CYRIB: variants seen among roughly 807,000 people sequenced by gnomAD.
The protein encoded by CYRIB is CYFIP-related Rac1 interactor B.
Under a neutral mutation model 44.2 loss-of-function variants are expected in CYRIB, and 8 were observed. The observed-to-expected ratio is 0.18, with a 90% confidence interval of 0.11 to 0.33. The LOEUF (loss-of-function observed/expected upper bound fraction) is 0.33, where lower values mean the gene tolerates loss of function less well. Among genes scored for constraint, CYRIB ranks in the 10% least tolerant of loss-of-function variants. CYRIB has a pLI of 1.00. For missense variants in CYRIB, 185 were observed against 382.8 expected (o/e 0.48, Z 4.31); for synonymous variants, 131 against 127.2 (o/e 1.03, Z -0.20).
At chr8:129,850,193 A>G (rs538969087) in intron 9 of CYRIB, 8 of 152,744 alleles carry the variant, frequency 5.2e-5, no homozygotes, top group Admixed American at 5.2e-4. Context: ...GGACCATCAT[A>G]TATGTGGCCC....
chr8:129,944,511 G>C (rs539171932), upstream of CYRIB, among the ~76,000 whole-genome samples: 3 of 152,136 alleles, frequency 2.0e-5, no homozygotes, highest in South Asian at 6.2e-4. Context: ...TGCCGGGCGC[G>C]GTGGCTCACG....
At chr8:129,924,795 G>A (rs1047902269) in intron 1 of CYRIB, among the ~76,000 whole-genome samples, 7 of 151,914 alleles carry the variant, frequency 4.6e-5, no homozygotes, top group African/African-American at 1.5e-4. Context: ...GGGAGAACCC[G>A]TCTCTACAAA....
chr8:129,962,402 C>T (rs2095302533), intron 2 of CYRIB, among the ~76,000 whole-genome samples: 1 of 152,006 alleles, frequency 6.6e-6, no homozygotes, highest in Non-Finnish European at 1.5e-5. Context: ...AGAATCATAC[C>T]ACTGCACACC....
intron 3 of CYRIB, among the ~76,000 whole-genome samples, chr8:129,878,522 A>G (rs955318947): frequency 5.3e-5 from 8 of 152,364 alleles, no homozygotes; most frequent in Admixed American, 5.2e-4. Flanking sequence ...AAGGGATCAC[A>G]TGATTAAAAA....
At chr8:129,845,441 A>G (rs993449093) in intron 11 of CYRIB, among the ~76,000 whole-genome samples, 5 of 152,228 alleles carry the variant, frequency 3.3e-5, no homozygotes, top group Non-Finnish European at 7.3e-5. Context: ...TATGCGTTGT[A>G]AAAACCCCAA....
At chr8:129,912,971 CTT>C (rs34861646) in intron 1 of CYRIB, among the ~76,000 whole-genome samples, 47 of 124,086 alleles carry the variant, frequency 3.8e-4, no homozygotes, top group African/African-American at 1.2e-3. Context: ...ATCTGCTTCA[CTT>C]TTTTTTTTTT....
Position 129,913,198 on chromosome 8 carries a change from T to C in CYRIB, c.-49-9848A>G, listed in dbSNP as rs527728382. Among the ~76,000 whole-genome samples, 70 of 152,080 alleles carry C rather than the reference T, an allele frequency of 4.6e-4. No homozygotes were observed. The South Asian group carries it at 0.01, about 22-fold the overall frequency. ...GTGTTAGCCAGGATGGTCTTGAACT[T>C]CTGACCTCATGATCCACCTGCCTCA... On this transcript the variant is annotated intron_variant, in intron 1 of 11. Coordinates refer to ENST00000519824, the Ensembl canonical transcript of CYRIB.
At chr8:129,945,803 C>A (rs556735142) in intron 2 of CYRIB, among the ~76,000 whole-genome samples, 2 of 152,262 alleles carry the variant, frequency 1.3e-5, no homozygotes, top group African/African-American at 2.4e-5. Flanking sequence ...AAACTCCTGA[C>A]CTCAGGTGGA....
At chr8:129,880,439 G>C in intron 2 of CYRIB, 1 of 985,842 alleles carries the variant, frequency 1.0e-6, no homozygotes, top group Non-Finnish European at 1.2e-6. Flanking sequence ...ACCTTAATGA[G>C]ATTACCCATG....
upstream of CYRIB, among the ~76,000 whole-genome samples, chr8:129,944,641 G>A (rs1217132169): frequency 1.3e-5 from 2 of 151,928 alleles, no homozygotes; most frequent in Non-Finnish European, 1.5e-5. Context: ...AAATTAGCCA[G>A]ACATGGTGGC....
intron 1 of CYRIB, among the ~76,000 whole-genome samples, chr8:129,996,017 AC>A (rs2096756056): frequency 6.6e-6 from 1 of 152,102 alleles, no homozygotes; most frequent in Non-Finnish European, 1.5e-5. Context: ...TGGGAAATGA[AC>A]CCTGTTTTAG....
exon 1 of CYRIB, chr8:129,939,719 G>A (rs2093470568): frequency 6.6e-6 from 1 of 152,258 alleles, no homozygotes; most frequent in Non-Finnish European, 1.5e-5. Flanking sequence ...GCGGGGGAGC[G>A]GCGGCAGCCG....
chr8:129,919,584 C>G (rs2082483220), intron 1 of CYRIB, among the ~76,000 whole-genome samples: 2 of 151,984 alleles, frequency 1.3e-5, no homozygotes, highest in Non-Finnish European at 2.9e-5. Flanking sequence ...TTCATTATGT[C>G]TAGAGGAGAA....
In CYRIB at chr8:129,951,269, G is replaced by A. The variant is rs189891685; in HGVS notation, c.-243+19674C>T. 2.7e-4 allele frequency among the ~76,000 whole-genome samples: 41 copies of A among 151,716 alleles called. No individual in the cohort carries two copies. In the East Asian group the frequency reaches 7.0e-3, roughly 26 times the overall value. On this transcript the variant is annotated intron_variant, in intron 2 of 14. Transcript: ENST00000401979. Reference sequence around the variant, plus strand: ...CAGTGAGCCGAGACTGTGCCATTGCGCTCCAGTCTGGGTGACAGAGCGAGA... The same window carrying A: ...CAGTGAGCCGAGACTGTGCCATTGCACTCCAGTCTGGGTGACAGAGCGAGA...
At chr8:129,911,643 T>C (rs1193778291) in intron 1 of CYRIB, among the ~76,000 whole-genome samples, 1 of 148,976 alleles carries the variant, frequency 6.7e-6, no homozygotes, top group Non-Finnish European at 1.5e-5. Flanking sequence ...CTCCTAAAAA[T>C]ACAAAAATTA....
chr8:129,854,517 T>G (rs1298072272), intron 6 of CYRIB, among the ~76,000 whole-genome samples, 174 bp from the exon 9 acceptor site: 1 of 152,242 alleles, frequency 6.6e-6, no homozygotes, highest in Admixed American at 6.5e-5. Flanking sequence ...TAGTCCTTAC[T>G]GAACATATAA....
intron 1 of CYRIB, among the ~76,000 whole-genome samples, chr8:129,925,737 TGA>T (rs2087272935): frequency 6.6e-6 from 1 of 152,242 alleles, no homozygotes; most frequent in South Asian, 2.1e-4. Context: ...TTTCCAGGTA[TGA>T]GTTAGACAGA....
chr8:129,882,284 T>C (rs992982205), intron 2 of CYRIB, among the ~76,000 whole-genome samples: 1 of 152,200 alleles, frequency 6.6e-6, no homozygotes, highest in Non-Finnish European at 1.5e-5. Context: ...TAGTTAACCC[T>C]TTTGGGGACT....
At chr8:129,931,012 A>G (rs1468906533) in intron 1 of CYRIB, among the ~76,000 whole-genome samples, 2 of 152,210 alleles carry the variant, frequency 1.3e-5, no homozygotes, top group Non-Finnish European at 2.9e-5. Flanking sequence ...TTAAATAAAA[A>G]TAAATTCAAA....
Sources: gnomAD v4.1 joint callset for allele counts (sites outside exome capture counted in the v4.1 genomes callset) on GRCh38, gnomAD v4.1.1 for gene constraint, MANE v1.5 for transcripts, NCBI Gene and HGNC (gene_info 2026-07-23, HGNC 2026-07-21) for gene names.